Variants in FLT3 observed in about 807,000 individuals in gnomAD.
FLT3 encodes the protein receptor-type tyrosine-protein kinase FLT3.
A neutral mutation model predicts 126.6 loss-of-function variants in FLT3; 46 were observed. The ratio of observed to expected loss-of-function variants is 0.36; its 90% CI spans 0.29 to 0.46. FLT3 has a LOEUF of 0.46. Ranked by LOEUF, FLT3 falls within the 20% of genes least tolerant of loss-of-function variation. FLT3 has a pLI of 1.00. For synonymous variants in FLT3, 404 were observed against 434.4 expected (o/e 0.93, Z 0.87); for missense variants, 1,069 against 1,190.3 (o/e 0.90, Z 1.50).
At chr13:28,048,721 T>C (rs1354490824) in intron 8 of FLT3, among the ~76,000 whole-genome samples, 1 of 152,180 alleles carries the variant, frequency 6.6e-6, no homozygotes, top group East Asian at 1.9e-4. Flanking sequence ...GCCCCTGCTC[T>C]CAGCCAGCAC....
At chr13:28,059,903 T>C (rs535679345) in intron 3 of FLT3, among the ~76,000 whole-genome samples, 275 of 151,914 alleles carry the variant, frequency 1.8e-3, no homozygotes, top group Non-Finnish European at 3.5e-3. Context: ...GAGGTTGCAG[T>C]GAGCCAAGAT....
intron 9 of FLT3, among the ~76,000 whole-genome samples, chr13:28,046,724 T>A (rs1387563229): frequency 2.6e-5 from 4 of 152,008 alleles, no homozygotes; most frequent in African/African-American, 9.7e-5. Context: ...GCCTCCCAAG[T>A]AGCTGGGACT....
chr13:28,058,194 AT>A (rs2137757809), intron 3 of FLT3, among the ~76,000 whole-genome samples: 1 of 107,348 alleles, frequency 9.3e-6, no homozygotes, highest in Admixed American at 1.3e-4. Context: ...CCCTACCTCT[AT>A]TTTTTAAAAA....
intron 2 of FLT3, among the ~76,000 whole-genome samples, chr13:28,064,839 G>A (rs1335077429): frequency 6.6e-6 from 1 of 152,134 alleles, no homozygotes; most frequent in Non-Finnish European, 1.5e-5. Flanking sequence ...CTCACCATTT[G>A]AGCCAGCAAT....
At position 28,040,227 on chromosome 13, in the gene FLT3, G is replaced by A. The variant is rs138348038; in HGVS notation, c.1206-2939C>T. 4.7e-4 allele frequency among the ~76,000 whole-genome samples: 72 copies of A among 152,316 alleles called. 1 individual carries two copies. Among genetic ancestry groups the A allele is most frequent in the African/African-American group, 1.5e-3 (62 of 41,558 alleles). On this transcript the variant is annotated intron_variant, in intron 9 of 23. Transcript: ENST00000241453. The stretch of plus-strand genomic sequence containing the variant: ...GGTAGAGGGGTAATAAGCAGTTGGA[G>A]TGTGGGAAGTTTCTGTGATAGGAGA...
intron 9 of FLT3, among the ~76,000 whole-genome samples, chr13:28,038,654 C>T (rs1874063618): frequency 1.3e-5 from 2 of 152,102 alleles, no homozygotes; most frequent in East Asian, 1.9e-4. Context: ...AGGGGTTCAC[C>T]GTGTTAGCCA....
chr13:28,073,759 C>T (rs1261496022), intron 1 of FLT3, among the ~76,000 whole-genome samples: 1 of 149,494 alleles, frequency 6.7e-6, no homozygotes, highest in Admixed American at 6.7e-5. Context: ...TAGAGTGAAA[C>T]CCCATCTCTA....
In FLT3 at chr13:28,064,338, G is replaced by T. The variant is rs185240756; in HGVS notation, c.166-2269C>A. ...TCCTGAAATCCCAGCACTTTGGGAG[G>T]CCAAGGTGGGCGGATCACAAGGTCA... On this transcript the variant is annotated intron_variant, in intron 2 of 23. Coordinates refer to ENST00000241453, the MANE Select transcript of FLT3 (RefSeq NM_004119.3). 7.2e-4 allele frequency among the ~76,000 whole-genome samples: 110 copies of T among 151,886 alleles called. 1 individual carries two copies. The East Asian group carries it at 0.018, about 24-fold the overall frequency.
In FLT3 at chr13:28,036,136, T is replaced by C. The variant is rs1873820395; in HGVS notation, c.1310-93A>G. 4.8e-5 allele frequency: 50 copies of C among 1,039,314 alleles called. No individual in the cohort carries two copies. The South Asian group carries it at 6.1e-4, about 13-fold the overall frequency. 64.4% of individuals were successfully genotyped at this position (1,039,314 alleles called of 1,614,324 possible). The stretch of plus-strand genomic sequence containing the variant: ...ACTTTGTGAAGCCAAGGTGGGAGGA[T>C]CACTTGGGCCAAGGAGTTCAAGACC... On this transcript the variant is annotated intron_variant, in intron 10 of 23. Transcript: ENST00000241453.
intron 1 of FLT3, among the ~76,000 whole-genome samples, chr13:28,095,204 G>T (rs1006613520): frequency 6.6e-6 from 1 of 152,066 alleles, no homozygotes; most frequent in African/African-American, 2.4e-5. Flanking sequence ...ACAAGAATTT[G>T]CTATTTCAGA....
Position 28,015,335 on chromosome 13 carries a change from T to C in FLT3, c.2654-79A>G, listed in dbSNP as rs1871745701. 4 of 989,790 alleles carry C rather than the reference T, an allele frequency of 4.0e-6. No homozygotes were observed. In the Admixed American group the frequency reaches 7.8e-5, roughly 19 times the overall value. The allele number at this position is 989,790 out of a possible 1,614,324, so 61.3% of individuals were successfully genotyped here. ...TTGATTCATTCAATTAAACACGTAT[T>C]GAGATCTGCCATGTGCCAGACACTG... On this transcript the variant is annotated intron_variant, in intron 21 of 23. Coordinates refer to ENST00000241453, the MANE Select transcript of FLT3 (RefSeq NM_004119.3).
chr13:28,054,105 A>G (rs866193625), intron 4 of FLT3, among the ~76,000 whole-genome samples: 26 of 152,206 alleles, frequency 1.7e-4, no homozygotes, highest in African/African-American at 5.5e-4. Flanking sequence ...AACATTCTTA[A>G]GAGTGGAACT....
chr13:28,027,331 G>A (rs575311772), intron 16 of FLT3, 90 bp from the exon 17 acceptor site: 68 of 1,041,468 alleles, frequency 6.5e-5, no homozygotes, highest in Middle Eastern at 6.5e-4. Flanking sequence ...TCTTAGGAGG[G>A]CTTGGTTCTC....
intron 19 of FLT3, among the ~76,000 whole-genome samples, chr13:28,021,759 T>G (rs527430577): frequency 6.6e-6 from 1 of 151,900 alleles, no homozygotes; most frequent in African/African-American, 2.4e-5. Context: ...TTTTTTTTTT[T>G]TGAGACAGAG....
At chr13:28,095,344 C>T (rs969075983) in intron 1 of FLT3, among the ~76,000 whole-genome samples, 7 of 152,056 alleles carry the variant, frequency 4.6e-5, no homozygotes, top group Non-Finnish European at 8.8e-5. Flanking sequence ...GGCATGATCT[C>T]GGCTCACTGC....
chr13:28,034,037 T>C, intron 14 of FLT3, 45 bp downstream of exon 14: 3 of 1,613,442 alleles, frequency 1.9e-6, no homozygotes, highest in South Asian at 1.1e-5. Context: ...GATTTTCCAA[T>C]GGAAAAGAAA....
At chr13:28,030,676 G>A (rs1339984845) in intron 15 of FLT3, among the ~76,000 whole-genome samples, 1 of 151,438 alleles carries the variant, frequency 6.6e-6, no homozygotes, top group Non-Finnish European at 1.5e-5. Flanking sequence ...GAAAGGCCCG[G>A]GCAAAATAGC....
At chr13:28,026,534 G>A (rs1430988187) in intron 17 of FLT3, among the ~76,000 whole-genome samples, 1 of 152,052 alleles carries the variant, frequency 6.6e-6, no homozygotes, top group Non-Finnish European at 1.5e-5. Context: ...GCCCGCTAAA[G>A]CAATAAATCC....
intron 2 of FLT3, among the ~76,000 whole-genome samples, chr13:28,064,741 C>G (rs1176158984): frequency 6.6e-6 from 1 of 152,076 alleles, no homozygotes; most frequent in African/African-American, 2.4e-5. Context: ...CATGGGGAAA[C>G]AGTTTTCTCC....
Sources: allele counts gnomAD v4.1 joint callset (sites outside exome capture counted in the v4.1 genomes callset), GRCh38; gene constraint gnomAD v4.1.1; transcripts MANE v1.5; gene names NCBI Gene and HGNC (gene_info 2026-07-23, HGNC 2026-07-21).